The following DICER1 variants were observed in gnomAD, a reference collection of about 807,000 sequenced individuals.
The protein encoded by DICER1 is endoribonuclease Dicer.
In DICER1, 43 loss-of-function variants were observed where a neutral mutation model predicts 194.1. The observed-to-expected ratio is 0.22, with a 90% CI of 0.17 to 0.29. DICER1 has a LOEUF of 0.29. Among genes scored for constraint, DICER1 ranks in the 10% least tolerant of loss-of-function variants. The probability of loss-of-function intolerance (pLI) is 1.00; values close to 1 mark genes in which losing one functional copy is unlikely to be tolerated. For synonymous variants in DICER1, 832 were observed against 820.5 expected, an observed-to-expected ratio of 1.01 and a Z score of -0.24; for missense variants, 1,608 against 2,317.0, an observed-to-expected ratio of 0.69 and a Z score of 6.28.
intron 1 of DICER1, among the ~76,000 whole-genome samples, chr14:95,155,579 G>A (rs1053350928): frequency 5.7e-5 from 7 of 123,554 alleles, no homozygotes; most frequent in Non-Finnish European, 9.6e-5. Flanking sequence ...ATTGAGCCAC[G>A]GGCAAAATAC....
At chr14:95,118,293 A>G (rs1892660661) in intron 8 of DICER1, among the ~76,000 whole-genome samples, 1 of 152,190 alleles carries the variant, frequency 6.6e-6, no homozygotes, top group Admixed American at 6.5e-5. Context: ...ATGTAACAAG[A>G]GTTCCAGCTG....
rs772576507 is a variant in DICER1, at chr14:95,091,141, A to G, written c.5528-32T>C. On this transcript the variant is annotated intron_variant, in intron 25 of 26. Transcript: ENST00000343455. The stretch of plus-strand genomic sequence containing the variant: ...TCAAAATGAAAGAATAATATGAATA[A>G]TATCTCTGAAGTTGTTTTTAATTTT... 7 of 1,613,636 alleles carry G rather than the reference A, an allele frequency of 4.3e-6. No individual in the cohort carries two copies. In the South Asian group the frequency reaches 5.5e-5, roughly 13 times the overall value.
At position 95,091,105 on chromosome 14, in the gene DICER1, C is replaced by G. The variant is rs1360182417; in HGVS notation, c.5532G>C (p.Lys1844Asn). The change falls in exon 26 of 27, where the codon AAG becomes AAC. Residue 1844 changes from lysine (K) to asparagine (N), a missense_variant. Around this residue, in one of 10 missense-constraint regions of DICER1, gnomAD observed 138 missense variants for 298.3 expected, o/e 0.46. Transcript: ENST00000343455. ...GGGAACGGGGTACATTTGCAGAAAA[C>G]TTTTCTGCAATCAAAATGAAAGAAT... is the stretch of plus-strand genomic sequence containing the variant. ...YYPMMRPLIE[K>N]FSANVPRSPV... 2 of 1,614,066 alleles carry G rather than the reference C, an allele frequency of 1.2e-6. No individual in the cohort carries two copies. Among genetic ancestry groups the G allele is most frequent in the East Asian group, 2.2e-5 (1 of 44,892 alleles).
rs61729796 is a variant in DICER1, at chr14:95,133,376, A to C, written c.83T>G (p.Phe28Cys). The change falls in exon 2 of 27, where the codon TTT becomes TGT. Residue 28 changes from phenylalanine to cysteine, a missense_variant. Coordinates refer to ENST00000343455, the MANE Select transcript of DICER1 (RefSeq NM_177438.3). ...TPASSPMGPF[F>C]GLPWQQEAIH... ...TGCTTCTTGTTGCCATGGCAGTCCA[A>C]AGAAAGGACCCATTGGTGAGGAAGC... The C allele has an allele frequency of 3.1e-6, 5 of 1,614,054 alleles. No individual in the cohort carries two copies. The African/African-American group carries it at 5.3e-5, about 17-fold the overall frequency.
intron 9 of DICER1, among the ~76,000 whole-genome samples, chr14:95,117,405 C>T (rs1892569711): frequency 1.3e-5 from 2 of 152,114 alleles, no homozygotes; most frequent in South Asian, 4.1e-4. Context: ...AATTAAGACA[C>T]AAAATTGGTT....
rs779443466 is a variant in DICER1 at position 95,099,882 on chromosome 14, G to T, written c.4104C>A (p.Arg1368=). The change falls in exon 22 of 27, where the codon CGC becomes CGA. Residue 1368 remains arginine, a synonymous_variant. Transcript: ENST00000343455. ...RLGKKKGLPS[R]MVVSIFDPPV... Reference sequence around the variant, plus strand: ...GGGGATCAAATATTGACACCACCATGCGGCTGGGTAGTCCCTTCTTTTTTC... The same window carrying T: ...GGGGATCAAATATTGACACCACCATTCGGCTGGGTAGTCCCTTCTTTTTTC... 1.4e-5 allele frequency: 22 copies of T among 1,613,872 alleles called. No homozygotes were observed. The highest frequency in any genetic ancestry group is 1.9e-5 in the Non-Finnish European group (22 of 1,179,970).
intron 22 of DICER1, among the ~76,000 whole-genome samples, chr14:95,098,962 G>A (rs1890608727): frequency 6.6e-6 from 1 of 152,050 alleles, no homozygotes; most frequent in Non-Finnish European, 1.5e-5. Flanking sequence ...TGGAGAAAAT[G>A]GATATTTAAA....
chr14:95,129,727 C>T, intron 5 of DICER1, 95 bp from the exon 6 acceptor site: 1 of 1,200,262 alleles, frequency 8.3e-7, no homozygotes, highest in Non-Finnish European at 1.2e-6. Context: ...AAATCACTAA[C>T]AAATAGTAAA....
rs1595378905 is a variant in DICER1 at position 95,107,658 on chromosome 14, T to C, written c.2754A>G (p.Thr918=). Reference sequence around the variant, plus strand: ...AATCTTCTAATTTAAAAACAAAGGGTGTTTCTTTTGTATACTTTGTACTGG... The same window carrying C: ...AATCTTCTAATTTAAAAACAAAGGGCGTTTCTTTTGTATACTTTGTACTGG... The part of the protein sequence containing the change: ...GIPSTKYTKE[T]PFVFKLEDYQ... The change falls in exon 17 of 27, where the codon ACA becomes ACG. Residue 918 remains threonine, a synonymous_variant. Coordinates refer to ENST00000343455, the MANE Select transcript of DICER1 (RefSeq NM_177438.3). 2.5e-6 allele frequency: 4 copies of C among 1,613,390 alleles called. No homozygotes were observed. The highest frequency in any genetic ancestry group is 2.5e-6 in the Non-Finnish European group (3 of 1,179,370).
chr14:95,091,445 A>C, intron 24 of DICER1, 80 bp from the exon 25 acceptor site: 1 of 1,344,222 alleles, frequency 7.4e-7, no homozygotes, highest in Non-Finnish European at 1.1e-6. Context: ...CTTTTCTTGG[A>C]TATATGACTT....
Position 95,104,026 on chromosome 14 carries a change from G to A in DICER1, c.3370C>T (p.His1124Tyr). ...SSAENDNYCK[H>Y]STIVPENAAH... ...GCATTTTCAGGGACAATTGTGCTGT[G>A]CTTACAGTAATTATCATTTTCAGCT... is the stretch of plus-strand genomic sequence containing the variant. Residue 1124 changes from histidine (H) to tyrosine (Y), a missense_variant, in exon 21 of 27, where the codon CAC becomes TAC. Physicochemically the swap from His to Tyr is moderately conservative, Grantham distance 83. Transcript: ENST00000343455. 1 of 1,614,064 alleles carries A rather than the reference G, an allele frequency of 6.2e-7. No individual in the cohort carries two copies. Among genetic ancestry groups the A allele is most frequent in the Non-Finnish European group, 8.5e-7 (1 of 1,179,982 alleles).
intron 7 of DICER1, among the ~76,000 whole-genome samples, chr14:95,125,762 G>C (rs1357462290): frequency 2.4e-5 from 2 of 84,576 alleles, no homozygotes; most frequent in Non-Finnish European, 4.9e-5. Context: ...GGGGAGGAGG[G>C]GGAGGGGAGG....
intron 14 of DICER1, among the ~76,000 whole-genome samples, chr14:95,109,761 G>A (rs762730065): frequency 4.8e-4 from 73 of 152,072 alleles, no homozygotes; most frequent in Admixed American, 1.6e-3. Flanking sequence ...ACATATTTAG[G>A]CTAACATACA....
intron 9 of DICER1, among the ~76,000 whole-genome samples, chr14:95,117,095 C>A (rs1162707005): frequency 2.0e-5 from 3 of 152,048 alleles, no homozygotes; most frequent in Non-Finnish European, 4.4e-5. Flanking sequence ...TGTGTACAAG[C>A]CAGACCATGG....
At chr14:95,155,066 C>T (rs915519890) in intron 1 of DICER1, among the ~76,000 whole-genome samples, 1 of 152,166 alleles carries the variant, frequency 6.6e-6, no homozygotes, top group Non-Finnish European at 1.5e-5. Context: ...AACCACAATT[C>T]GATCTCGGCT....
chr14:95,104,955 T>C, intron 20 of DICER1, 116 bp downstream of exon 20: 1 of 1,027,750 alleles, frequency 9.7e-7, no homozygotes, highest in Non-Finnish European at 1.5e-6. Flanking sequence ...AAGATATCCA[T>C]TATTTTCTTT....
intron 8 of DICER1, 135 bp from the exon 9 acceptor site, chr14:95,117,889 T>C: frequency 2.6e-6 from 2 of 782,286 alleles, no homozygotes; most frequent in South Asian, 3.4e-5. Flanking sequence ...GGTCCTTTTT[T>C]CCCAACTTGC....
chr14:95,140,911 A>G (rs1278727122), intron 1 of DICER1, among the ~76,000 whole-genome samples: 1 of 152,236 alleles, frequency 6.6e-6, no homozygotes, highest in Non-Finnish European at 1.5e-5. Context: ...TTATTTTAGG[A>G]TACCAAGGCT....
intron 1 of DICER1, among the ~76,000 whole-genome samples, chr14:95,147,193 A>G (rs573425535): frequency 5.3e-4 from 81 of 152,342 alleles, no homozygotes; most frequent in African/African-American, 1.9e-3. Context: ...AGCCGTGTGC[A>G]GTGGTTCACA....
Sources: allele counts gnomAD v4.1 joint callset (sites outside exome capture counted in the v4.1 genomes callset), GRCh38; gene constraint gnomAD v4.1.1; regional missense constraint gnomAD v4.1.1; transcripts MANE v1.5; gene names NCBI Gene and HGNC (gene_info 2026-07-23, HGNC 2026-07-21).